Variants in PRRC2B observed in about 807,000 individuals in gnomAD.
The protein encoded by PRRC2B is proline rich coiled-coil 2B.
A neutral mutation model predicts 242.3 loss-of-function variants in PRRC2B; 68 were observed. That is an observed-to-expected ratio of 0.28 (90% confidence interval 0.23 to 0.34). The LOEUF (loss-of-function observed/expected upper bound fraction) is 0.34. PRRC2B is among the 10% of genes least tolerant of loss of function. The pLI is 1.00. For synonymous variants in PRRC2B, 1,228 were observed against 1,173.6 expected, an observed-to-expected ratio of 1.05 and a Z score of -0.95; for missense variants, 2,835 against 2,954.8, an observed-to-expected ratio of 0.96 and a Z score of 0.94.
intron 1 of PRRC2B, among the ~76,000 whole-genome samples, chr9:131,420,493 C>CTTTCTTTCTTTCTTTCTTTTT: frequency 6.3e-4 from 19 of 30,174 alleles, no homozygotes; most frequent in East Asian, 4.9e-3. Context: ...TTCTTTCTTT[C>CTTTCTTTCTTTCTTTCTTTTT]TTTTTTTTTT....
rs796137463 is a variant in PRRC2B, at chr9:131,466,807, CTTTTTTTT to C, written c.1721-752_1721-745del. On this transcript the variant is annotated intron_variant, in intron 12 of 31. Transcript: ENST00000683519. ...GCTAATTTTTGTACTTTCTTTTTTT[CTTTTTTTT>C]TTTGGAGACGGATTCTCACTCTGTC... Among the ~76,000 whole-genome samples, 378 of 143,800 alleles carry C rather than the reference CTTTTTTTT, an allele frequency of 2.6e-3. 1 individual carries two copies. The highest frequency in any genetic ancestry group is 9.2e-3 in the African/African-American group (362 of 39,446). The allele number at this position is 143,800 out of a possible 152,430, so 94.3% of individuals were successfully genotyped here. A position where few individuals can be genotyped will look rare whatever the true frequency, so the allele number is the denominator to read the frequency against.
intron 1 of PRRC2B, among the ~76,000 whole-genome samples, chr9:131,408,288 G>A (rs1288754193): frequency 1.3e-5 from 2 of 152,208 alleles, no homozygotes; most frequent in East Asian, 1.9e-4. Context: ...AATGTGCTTT[G>A]CAGAGATGCC....
rs1011526563 is a variant in PRRC2B, at chr9:131,498,633, A to G, written c.*2759A>G. 3.3e-5 allele frequency: 5 copies of G among 152,296 alleles called. No homozygotes were observed. Among genetic ancestry groups the G allele is most frequent in the Non-Finnish European group, 7.3e-5 (5 of 68,062 alleles). The allele number at this position is 152,296 out of a possible 1,614,324, so 9.4% of individuals were successfully genotyped here. A position where few individuals can be genotyped will look rare whatever the true frequency, so the allele number is the denominator to read the frequency against. On this transcript the variant is annotated 3_prime_UTR_variant, in exon 32 of 32. Transcript: ENST00000683519. ...ACCCCCATCCTCAGAGCGCAGATACATGCAGAGGCTTCTGCCAGGATACCA... is the reference window on the plus strand; with the variant it reads ...ACCCCCATCCTCAGAGCGCAGATACGTGCAGAGGCTTCTGCCAGGATACCA...
Position 131,499,784 on chromosome 9 carries a change from T to C in PRRC2B, c.*3910T>C, listed in dbSNP as rs893258228. 2 of 152,194 alleles carry C rather than the reference T, an allele frequency of 1.3e-5. No individual in the cohort carries two copies. Among genetic ancestry groups the C allele is most frequent in the Non-Finnish European group, 2.9e-5 (2 of 68,040 alleles). The allele number at this position is 152,194 out of a possible 1,614,324, so 9.4% of individuals were successfully genotyped here. On this transcript the variant is annotated 3_prime_UTR_variant, in exon 32 of 32. Transcript: ENST00000683519. ...CCTGCTAAGGCTCTGTGTGGACGCCTTTCTCCCGTGATCTAAAGGGGACAC... is the reference window on the plus strand; with the variant it reads ...CCTGCTAAGGCTCTGTGTGGACGCCCTTCTCCCGTGATCTAAAGGGGACAC...
chr9:131,387,419 C>G (rs1836840138), intron 1 of PRRC2B, among the ~76,000 whole-genome samples: 2 of 149,964 alleles, frequency 1.3e-5, no homozygotes, highest in African/African-American at 4.9e-5. Flanking sequence ...AAATGTTAAT[C>G]TCTTTTGGCA....
intron 23 of PRRC2B, 71 bp from the exon 24 acceptor site, chr9:131,484,615 C>T: frequency 1.6e-6 from 2 of 1,234,906 alleles, no homozygotes; most frequent in East Asian, 2.4e-5. Context: ...TCAGGAGAGC[C>T]ATGGATGGGT....
intron 28 of PRRC2B, chr9:131,490,669 G>A (rs1944165230): frequency 5.9e-6 from 3 of 505,752 alleles, no homozygotes; most frequent in African/African-American, 1.9e-5. Context: ...TAGTTAGTTA[G>A]GCCCTGCAGC....
intron 1 of PRRC2B, among the ~76,000 whole-genome samples, chr9:131,388,238 AC>A (rs1301450590): frequency 7.5e-6 from 1 of 134,092 alleles, no homozygotes; most frequent in Non-Finnish European, 1.6e-5. Flanking sequence ...TTTTACTTTT[AC>A]TTTTTTTTTT....
At chr9:131,399,725 G>A (rs541363803) in intron 1 of PRRC2B, among the ~76,000 whole-genome samples, 1 of 152,236 alleles carries the variant, frequency 6.6e-6, no homozygotes, top group African/African-American at 2.4e-5. Context: ...TAGAGCAATA[G>A]TATATATACA....
intron 3 of PRRC2B, among the ~76,000 whole-genome samples, chr9:131,433,831 C>T (rs1040760784): frequency 3.9e-5 from 6 of 152,168 alleles, no homozygotes; most frequent in Non-Finnish European, 5.9e-5. Flanking sequence ...TTACTTCAGA[C>T]AGGATGTAGA....
At position 131,432,659 on chromosome 9, in the gene PRRC2B, C is replaced by G; in HGVS notation, c.158C>G (p.Ala53Gly). The change falls in exon 3 of 32, where the codon GCA (alanine) becomes GGA (glycine). Residue 53 changes from alanine to glycine, a missense_variant. By Grantham distance (60) the Ala-to-Gly change is moderately conservative (BLOSUM62 0). Coordinates refer to ENST00000683519, the MANE Select transcript of PRRC2B (RefSeq NM_013318.4). ...HGLQSLGKVA[A>G]ARRMPPPANL... ...TTACAGAGTCTTGGGAAAGTTGCTG[C>G]AGCCCGGCGCATGCCACCGCCTGCA... 1 of 1,614,046 alleles carries G rather than the reference C, an allele frequency of 6.2e-7. No individual in the cohort carries two copies. The highest frequency in any genetic ancestry group is 8.5e-7 in the Non-Finnish European group (1 of 1,179,888).
chr9:131,455,035 T>C, intron 9 of PRRC2B, 41 bp from the exon 10 acceptor site: 1 of 1,530,212 alleles, frequency 6.5e-7, no homozygotes, highest in Non-Finnish European at 9.0e-7. Context: ...ACTGACTTTT[T>C]CATTCTTTCT....
rs1588281899 is a variant in PRRC2B, at chr9:131,487,407, G to T, written c.5984+113G>T. ...GCTTGTCTGCTTTGGGGCCAGTGGG[G>T]CGGGGAGGGGTGGGAGTTTGCTCTG... On this transcript the variant is annotated intron_variant, in intron 27 of 31. Coordinates refer to ENST00000683519, the MANE Select transcript of PRRC2B (RefSeq NM_013318.4). This position sits in a 1 kb window ranked among gnomAD's most constrained non-coding sequence, Gnocchi z 5.3. The T allele has an allele frequency of 1.1e-6, 1 of 899,084 alleles. No individual in the cohort carries two copies. Among genetic ancestry groups the T allele is most frequent in the African/African-American group, 1.7e-5 (1 of 58,812 alleles). The allele number at this position is 899,084 out of a possible 1,614,324, so 55.7% of individuals were successfully genotyped here.
chr9:131,490,686 G>A, intron 28 of PRRC2B: 1 of 480,416 alleles, frequency 2.1e-6, no homozygotes, highest in South Asian at 1.5e-5. Context: ...CAGCTACCCT[G>A]TTCTCCTGTC....
At chr9:131,398,323 T>C (rs1178822523) in intron 1 of PRRC2B, among the ~76,000 whole-genome samples, 1 of 152,256 alleles carries the variant, frequency 6.6e-6, no homozygotes, top group Non-Finnish European at 1.5e-5. Context: ...GCTGTACTTG[T>C]TGGTTTTCTG....
At chr9:131,463,153 A>C (rs1481183830) in intron 11 of PRRC2B, among the ~76,000 whole-genome samples, 1 of 152,172 alleles carries the variant, frequency 6.6e-6, no homozygotes, top group Non-Finnish European at 1.5e-5. Flanking sequence ...TTCGATGGCA[A>C]AGTGAAAGGA....
chr9:131,482,262 C>G lies in PRRC2B; in HGVS notation c.4984-109C>G. The G allele has an allele frequency of 1.6e-6, 2 of 1,252,590 alleles. No individual in the cohort carries two copies. Among genetic ancestry groups the G allele is most frequent in the Non-Finnish European group, 2.2e-6 (2 of 897,096 alleles). 77.6% of individuals were successfully genotyped at this position (1,252,590 alleles called of 1,614,324 possible). Reference sequence around the variant, plus strand: ...GGATCAAGATCAGGACCAGACTTGGCAAGGGACAGGCAGCTGGGGTAGAAA... The same window carrying G: ...GGATCAAGATCAGGACCAGACTTGGGAAGGGACAGGCAGCTGGGGTAGAAA... On this transcript the variant is annotated intron_variant, in intron 20 of 31. Coordinates refer to ENST00000683519, the MANE Select transcript of PRRC2B (RefSeq NM_013318.4). This position sits in a 1 kb window ranked among gnomAD's most constrained non-coding sequence, Gnocchi z 5.2.
At position 131,475,177 on chromosome 9, in the gene PRRC2B, G is replaced by C. The variant is rs748671327; in HGVS notation, c.3048G>C (p.Glu1016Asp). ...KGPGHATFGR[E>D]ATKFEEEEKP... Reference sequence around the variant, plus strand: ...CTGGCCATGCCACTTTTGGCCGCGAGGCCACCAAATTTGAAGAGGAGGAGA... The same window carrying C: ...CTGGCCATGCCACTTTTGGCCGCGACGCCACCAAATTTGAAGAGGAGGAGA... Residue 1016 changes from glutamate to aspartate, a missense_variant, in exon 16 of 32, where the codon GAG (glutamate) becomes GAC (aspartate). Coordinates refer to ENST00000683519, the MANE Select transcript of PRRC2B (RefSeq NM_013318.4). 3.1e-6 allele frequency: 5 copies of C among 1,613,502 alleles called. No individual in the cohort carries two copies. In the Admixed American group the frequency reaches 8.3e-5, roughly 27 times the overall value.
chr9:131,467,099 C>G (rs1943418099), intron 12 of PRRC2B, among the ~76,000 whole-genome samples: 1 of 128,094 alleles, frequency 7.8e-6, no homozygotes, highest in African/African-American at 2.5e-5. Flanking sequence ...CCGCGCCTGT[C>G]ATTTTTTGTA....
Sources: gnomAD v4.1 joint callset for allele counts (sites outside exome capture counted in the v4.1 genomes callset) on GRCh38, gnomAD v4.1.1 for gene constraint, Gnocchi (gnomAD v3.1) non-coding constraint, MANE v1.5 for transcripts, NCBI Gene and HGNC (gene_info 2026-07-23, HGNC 2026-07-21) for gene names.